ASCC3: variants seen among roughly 807,000 people sequenced by gnomAD.
ASCC3 encodes ASC-1 complex subunit P200.
In ASCC3, 158 loss-of-function variants were observed where a neutral mutation model predicts 256.3. That is an observed-to-expected ratio of 0.62 (90% confidence interval 0.54 to 0.70). The LOEUF (loss-of-function observed/expected upper bound fraction) is 0.70. ASCC3 is among the 30% of genes least tolerant of loss of function. The probability of loss-of-function intolerance (pLI) is 0.00; values close to 1 mark genes in which losing one functional copy is unlikely to be tolerated. For synonymous variants in ASCC3, 948 were observed against 883.4 expected (o/e 1.07, Z -1.30); for missense variants, 2,259 against 2,626.0 (o/e 0.86, Z 3.05).
At chr6:100,542,404 C>A (rs774802652) in intron 36 of ASCC3, among the ~76,000 whole-genome samples, 1 of 152,082 alleles carries the variant, frequency 6.6e-6, no homozygotes, top group South Asian at 2.1e-4. Context: ...ACTGTCGGGC[C>A]GGGCGCGGTG....
intron 13 of ASCC3, among the ~76,000 whole-genome samples, chr6:100,699,236 G>A (rs925150240): frequency 6.6e-6 from 1 of 152,164 alleles, no homozygotes; most frequent in Non-Finnish European, 1.5e-5. Flanking sequence ...GACTAACACG[G>A]TGGGAGGTAA....
chr6:100,601,884 T>C lies in ASCC3; in HGVS notation c.5229A>G (p.Thr1743=). Residue 1743 remains threonine, a synonymous_variant, in exon 34 of 42, where the codon ACA becomes ACG. Coordinates refer to ENST00000369162, the MANE Select transcript of ASCC3 (RefSeq NM_006828.4). ...DHLNAEIAGG[T]ITSKQDALDY... is the part of the protein sequence containing the mutation. ...CCAATGCATCTTGCTTAGATGTAAT[T>C]GTACCACCAGCAATCTCTGCATTTA... 6.2e-7 allele frequency: 1 copy of C among 1,612,714 alleles called. No homozygotes were observed. Among genetic ancestry groups the C allele is most frequent in the Non-Finnish European group, 8.5e-7 (1 of 1,178,970 alleles).
At chr6:100,832,879 T>G (rs925210250) in intron 4 of ASCC3, among the ~76,000 whole-genome samples, 1 of 151,214 alleles carries the variant, frequency 6.6e-6, no homozygotes, top group African/African-American at 2.4e-5. Flanking sequence ...ACACAGCAAA[T>G]GAAATACAGT....
chr6:100,558,197 G>A (rs999779897), intron 36 of ASCC3, among the ~76,000 whole-genome samples: 1 of 151,876 alleles, frequency 6.6e-6, no homozygotes, highest in Non-Finnish European at 1.5e-5. Flanking sequence ...GAATATCAAA[G>A]TATTAAGGGA....
At chr6:100,808,820 T>C (rs1236144591) in intron 4 of ASCC3, among the ~76,000 whole-genome samples, 1 of 151,938 alleles carries the variant, frequency 6.6e-6, no homozygotes, top group Non-Finnish European at 1.5e-5. Flanking sequence ...GATGAGGCAG[T>C]ATACTACACA....
intron 4 of ASCC3, among the ~76,000 whole-genome samples, chr6:100,822,534 T>A: frequency 1.2e-5 from 1 of 86,218 alleles, no homozygotes; most frequent in East Asian, 3.2e-4. Flanking sequence ...AGACTCCGTC[T>A]CCAAAAAAAA....
chr6:100,825,335 A>G (rs1474254487), intron 4 of ASCC3, among the ~76,000 whole-genome samples: 1 of 149,098 alleles, frequency 6.7e-6, no homozygotes, highest in Admixed American at 6.7e-5. Flanking sequence ...GTAATATTCT[A>G]GGGATGCTAC....
intron 36 of ASCC3, among the ~76,000 whole-genome samples, chr6:100,558,944 A>C (rs74368916): frequency 0.015 from 2,345 of 152,276 alleles, 25 homozygotes; most frequent in East Asian, 0.045. Context: ...AAAAATGTTT[A>C]TCTCTTCTTG....
chr6:100,587,731 C>A (rs1421067718), intron 36 of ASCC3, among the ~76,000 whole-genome samples: 2 of 152,126 alleles, frequency 1.3e-5, no homozygotes, highest in Admixed American at 6.5e-5. Context: ...AACTGGAGAA[C>A]TGACTTTAAT....
chr6:100,638,451 G>A (rs951815522), intron 25 of ASCC3, 150 bp downstream of exon 25: 9 of 627,436 alleles, frequency 1.4e-5, no homozygotes, highest in African/African-American at 9.2e-5. Flanking sequence ...ATATCTTCAC[G>A]GTATATCTGT....
At chr6:100,723,242 T>A (rs1370102315) in intron 11 of ASCC3, among the ~76,000 whole-genome samples, 1 of 151,740 alleles carries the variant, frequency 6.6e-6, no homozygotes, top group African/African-American at 2.4e-5. Context: ...ATATAAATAA[T>A]ATTAACAAGT....
intron 33 of ASCC3, among the ~76,000 whole-genome samples, chr6:100,604,765 A>T (rs17304906): frequency 0.19 from 28,334 of 152,090 alleles, 3,269 homozygotes; most frequent in Middle Eastern, 0.34. Context: ...TTTTAAAATC[A>T]ACATTATTAG....
intron 38 of ASCC3, 143 bp downstream of exon 38, chr6:100,517,848 C>T (rs1354893795): frequency 6.7e-6 from 6 of 900,534 alleles, no homozygotes; most frequent in Non-Finnish European, 1.0e-5. Flanking sequence ...GTCACTTGGC[C>T]ATGTCTCACT....
intron 13 of ASCC3, among the ~76,000 whole-genome samples, chr6:100,695,893 G>A (rs1306254559): frequency 6.6e-6 from 1 of 152,180 alleles, no homozygotes; most frequent in African/African-American, 2.4e-5. Context: ...AACACGGTCT[G>A]TACCCTGACC....
intron 34 of ASCC3, 54 bp downstream of exon 34, chr6:100,601,756 A>G: frequency 6.3e-7 from 1 of 1,596,984 alleles, no homozygotes; most frequent in Non-Finnish European, 8.6e-7. Flanking sequence ...TTACTTTCAA[A>G]TATGTCTTAT....
intron 3 of ASCC3, among the ~76,000 whole-genome samples, chr6:100,851,713 G>T: frequency 6.6e-6 from 1 of 152,266 alleles, no homozygotes; most frequent in East Asian, 1.9e-4. Flanking sequence ...AAATGGACAC[G>T]TGTTCATACC....
At chr6:100,668,558 A>C (rs1181505451) in intron 14 of ASCC3, among the ~76,000 whole-genome samples, 1 of 151,996 alleles carries the variant, frequency 6.6e-6, no homozygotes, top group Non-Finnish European at 1.5e-5. Context: ...GAAACAGAAC[A>C]CTTAAACTGA....
intron 36 of ASCC3, among the ~76,000 whole-genome samples, chr6:100,581,079 T>A (rs1206178318): frequency 6.6e-6 from 1 of 152,112 alleles, no homozygotes; most frequent in African/African-American, 2.4e-5. Flanking sequence ...TGATTTATAG[T>A]CCTTTGGGTA....
chr6:100,629,716 GA>G (rs1435224525), intron 26 of ASCC3, among the ~76,000 whole-genome samples: 3 of 151,976 alleles, frequency 2.0e-5, no homozygotes, highest in Non-Finnish European at 4.4e-5. Flanking sequence ...GTATTAGGAT[GA>G]AAACAAGATA....
Sources: gnomAD v4.1 joint callset for allele counts (sites outside exome capture counted in the v4.1 genomes callset) on GRCh38, gnomAD v4.1.1 for gene constraint, MANE v1.5 for transcripts, NCBI Gene and HGNC (gene_info 2026-07-23, HGNC 2026-07-21) for gene names.